The following TSPEAR variants were observed in gnomAD, a reference collection of about 807,000 sequenced individuals.
The protein encoded by TSPEAR is thrombospondin type laminin G domain and EAR repeats.
In TSPEAR, 69 loss-of-function variants were observed where a neutral mutation model predicts 71.6. The observed-to-expected ratio is 0.96, with a 90% CI of 0.79 to 1.18. TSPEAR has a LOEUF of 1.18. TSPEAR is among the 50% of genes most tolerant of loss of function. The probability of loss-of-function intolerance (pLI) is 0.00; values close to 1 mark genes in which losing one functional copy is unlikely to be tolerated. For synonymous variants in TSPEAR, 402 were observed against 387.2 expected (o/e 1.04, Z -0.45); for missense variants, 971 against 894.9 (o/e 1.09, Z -1.09).
chr21:44,595,854 A>G (rs1555927553), intron 1 of TSPEAR, among the ~76,000 whole-genome samples: 1 of 152,222 alleles, frequency 6.6e-6, no homozygotes, highest in African/African-American at 2.4e-5. Flanking sequence ...TTCTGTAAAC[A>G]TGGAGCTCCT....
intron 1 of TSPEAR, among the ~76,000 whole-genome samples, chr21:44,700,456 C>T (rs1381733258): frequency 2.6e-5 from 4 of 152,112 alleles, no homozygotes; most frequent in African/African-American, 7.2e-5. Flanking sequence ...CGAGAAGAGC[C>T]GAGGGAGCAG....
At position 44,683,393 on chromosome 21, in the gene TSPEAR, C is replaced by T. The variant is rs569547280; in HGVS notation, c.82+28040G>A. Among the ~76,000 whole-genome samples the T allele has an allele frequency of 1.6e-4, 24 of 152,206 alleles. No homozygotes were observed. The South Asian group carries it at 2.5e-3, about 16-fold the overall frequency. Reference sequence around the variant, plus strand: ...AAAATCATCAGATATTGACCAGGCACGGTTGTTTATGCCTGTAATCCCAGC... The same window carrying T: ...AAAATCATCAGATATTGACCAGGCATGGTTGTTTATGCCTGTAATCCCAGC... On this transcript the variant is annotated intron_variant, in intron 1 of 11. Coordinates refer to ENST00000323084, the MANE Select transcript of TSPEAR (RefSeq NM_144991.3).
chr21:44,579,865 G>C, intron 1 of TSPEAR: 1 of 1,598,388 alleles, frequency 6.3e-7, no homozygotes, highest in Non-Finnish European at 8.6e-7. Flanking sequence ...CACAGCAGGA[G>C]GAGATGGGCA....
At chr21:44,669,023 G>A (rs1555945395) in intron 1 of TSPEAR, among the ~76,000 whole-genome samples, 1 of 152,040 alleles carries the variant, frequency 6.6e-6, no homozygotes, top group South Asian at 2.1e-4. Context: ...TTGAAGAAGA[G>A]TTCATGAACT....
In TSPEAR at chr21:44,710,247, G is replaced by A. The variant is rs544286878; in HGVS notation, c.82+1186C>T. On this transcript the variant is annotated intron_variant, in intron 1 of 11. Transcript: ENST00000323084. The surrounding 1 kb of genome is among the most constrained non-coding windows in gnomAD (Gnocchi z 4.6). Reference sequence around the variant, plus strand: ...TGTTTGCAGAATCACCCAGTTCCAAGGCAGTCCCTGCGGGCAGGTGCAGCT... The same window carrying A: ...TGTTTGCAGAATCACCCAGTTCCAAAGCAGTCCCTGCGGGCAGGTGCAGCT... Among the ~76,000 whole-genome samples the A allele has an allele frequency of 5.3e-5, 8 of 152,322 alleles. No individual in the cohort carries two copies. The highest frequency in any genetic ancestry group is 1.9e-4 in the African/African-American group (8 of 41,564).
At chr21:44,552,010 G>T (rs150005450) in intron 2 of TSPEAR, among the ~76,000 whole-genome samples, 1 of 152,234 alleles carries the variant, frequency 6.6e-6, no homozygotes, top group African/African-American at 2.4e-5. Flanking sequence ...GCCAAGAGCA[G>T]GAGGACAGGG....
intron 2 of TSPEAR, chr21:44,557,971 A>G: frequency 6.6e-7 from 1 of 1,511,920 alleles, no homozygotes; most frequent in South Asian, 1.3e-5. Flanking sequence ...GAGGAGACTC[A>G]GACAGGGCTC....
intron 2 of TSPEAR, among the ~76,000 whole-genome samples, chr21:44,555,763 C>T (rs587766116): frequency 3.3e-5 from 5 of 152,242 alleles, no homozygotes; most frequent in Non-Finnish European, 7.4e-5. Flanking sequence ...TGATCAGACC[C>T]AGGACAGAGA....
rs782586501 is a variant in TSPEAR, at chr21:44,612,190, C to T, written c.83-44185G>A. 2 of 1,614,010 alleles carry T rather than the reference C, an allele frequency of 1.2e-6. No homozygotes were observed. Among genetic ancestry groups the T allele is most frequent in the Non-Finnish European group, 1.7e-6 (2 of 1,180,000 alleles). On this transcript the variant is annotated intron_variant, in intron 1 of 11. Coordinates refer to ENST00000323084, the MANE Select transcript of TSPEAR (RefSeq NM_144991.3). The surrounding 1 kb of genome is among the most constrained non-coding windows in gnomAD (Gnocchi z 4.1). ...GTGACGTGGGCCATGTCAGCCGAGT[C>T]TCCTCCCCCAGCACCTGCACTGGCT...
At chr21:44,540,381 C>T (rs1555917098) in intron 2 of TSPEAR, among the ~76,000 whole-genome samples, 1 of 152,136 alleles carries the variant, frequency 6.6e-6, no homozygotes, top group East Asian at 1.9e-4. Context: ...TGGCCCAGGT[C>T]ATAAATCTCC....
At chr21:44,604,850 G>GT (rs1203310982) in intron 1 of TSPEAR, among the ~76,000 whole-genome samples, 1 of 152,190 alleles carries the variant, frequency 6.6e-6, no homozygotes, top group South Asian at 2.1e-4. Context: ...GTGATCATGT[G>GT]TTTTTTGTCT....
At position 44,623,591 on chromosome 21, in the gene TSPEAR, T is replaced by C. The variant is rs1284915160; in HGVS notation, c.83-55586A>G. On this transcript the variant is annotated intron_variant, in intron 1 of 11. Transcript: ENST00000323084. The surrounding 1 kb of genome is among the most constrained non-coding windows in gnomAD (Gnocchi z 4.5). ...TCATTCTGCCTAATTATCTTTTTAT[T>C]TTCTGTAGTGCAGATCCTACTGGTG... Among the ~76,000 whole-genome samples, 1 of 152,242 alleles carries C rather than the reference T, an allele frequency of 6.6e-6. No individual in the cohort carries two copies. The highest frequency in any genetic ancestry group is 1.5e-5 in the Non-Finnish European group (1 of 68,040).
At chr21:44,554,377 C>A (rs895756991) in intron 2 of TSPEAR, among the ~76,000 whole-genome samples, 1 of 152,162 alleles carries the variant, frequency 6.6e-6, no homozygotes, top group South Asian at 2.1e-4. Context: ...CTCCAGTCCA[C>A]GGCAATTTGT....
chr21:44,570,753 C>T (rs587705504), intron 1 of TSPEAR, among the ~76,000 whole-genome samples: 1 of 152,220 alleles, frequency 6.6e-6, no homozygotes, highest in African/African-American at 2.4e-5. Context: ...CTGATTAAAC[C>T]CAAGCTGGTT....
chr21:44,642,828 C>G lies in TSPEAR; in HGVS notation c.82+68605G>C, dbSNP rs979708029. Among the ~76,000 whole-genome samples the G allele has an allele frequency of 6.6e-6, 1 of 151,410 alleles. No homozygotes were observed. Among genetic ancestry groups the G allele is most frequent in the Non-Finnish European group, 1.5e-5 (1 of 67,942 alleles). The stretch of plus-strand genomic sequence containing the variant: ...CTGCACTCCAGCCTGGGCAACAGAG[C>G]GAGACTCTATCTCAAAAAAAAAAAA... On this transcript the variant is annotated intron_variant, in intron 1 of 11. Coordinates refer to ENST00000323084, the MANE Select transcript of TSPEAR (RefSeq NM_144991.3). This position sits in a 1 kb window ranked among gnomAD's most constrained non-coding sequence, Gnocchi z 4.1.
chr21:44,508,799 T>G (rs1262237008), intron 10 of TSPEAR: 1 of 1,326,366 alleles, frequency 7.5e-7, no homozygotes, highest in African/African-American at 1.5e-5. Context: ...TCATGTCTGG[T>G]GGCAGCTGGC....
intron 9 of TSPEAR, chr21:44,517,441 G>C: frequency 8.1e-6 from 2 of 248,076 alleles, no homozygotes; most frequent in Non-Finnish European, 1.6e-5. Flanking sequence ...ACTGGCACTA[G>C]CCAATGAGCT....
Position 44,539,714 on chromosome 21 carries a change from C to T in TSPEAR, c.304-5791G>A, listed in dbSNP as rs1555916903. On this transcript the variant is annotated intron_variant, in intron 2 of 11. Transcript: ENST00000323084. ...GGGCACATAGCACACAGGCTTGCAG[C>T]AAACAGGCACACAGCAGGACTGCTG... is the stretch of plus-strand genomic sequence containing the variant. The T allele has an allele frequency of 1.9e-6, 3 of 1,595,074 alleles. No individual in the cohort carries two copies. In the African/African-American group the frequency reaches 4.1e-5, roughly 22 times the overall value.
chr21:44,604,352 G>T (rs774668175), intron 1 of TSPEAR, among the ~76,000 whole-genome samples: 3 of 151,880 alleles, frequency 2.0e-5, no homozygotes, highest in Non-Finnish European at 4.4e-5. Context: ...AAAAAGAAAC[G>T]AATAAAAGAG....
Sources: allele counts gnomAD v4.1 joint callset (sites outside exome capture counted in the v4.1 genomes callset), GRCh38; gene constraint gnomAD v4.1.1; non-coding constraint Gnocchi (gnomAD v3.1); transcripts MANE v1.5; gene names NCBI Gene and HGNC (gene_info 2026-07-23, HGNC 2026-07-21).